ITGA9: variants seen among roughly 807,000 people sequenced by gnomAD.
ITGA9 encodes the protein integrin alpha-9.
In ITGA9, 56 loss-of-function variants were observed where a neutral mutation model predicts 127.8. The observed-to-expected ratio is 0.44, with a 90% confidence interval of 0.35 to 0.55. The LOEUF (loss-of-function observed/expected upper bound fraction) is 0.55, where lower values mean the gene tolerates loss of function less well. Ranked by LOEUF, ITGA9 falls within the 20% of genes least tolerant of loss-of-function variation. The pLI is 0.00. For missense variants in ITGA9, 1,196 were observed against 1,347.1 expected (o/e 0.89, Z 1.76); for synonymous variants, 508 against 514.5 (o/e 0.99, Z 0.17).
At chr3:37,766,253 A>G (rs1161500524) in intron 23 of ITGA9, among the ~76,000 whole-genome samples, 1 of 152,260 alleles carries the variant, frequency 6.6e-6, no homozygotes, top group Non-Finnish European at 1.5e-5. Context: ...GACCAAAAAG[A>G]ACTGCCTCAA....
chr3:37,732,894 C>G, intron 19 of ITGA9, 96 bp downstream of exon 19: 1 of 901,684 alleles, frequency 1.1e-6, no homozygotes, highest in Non-Finnish European at 1.8e-6. Context: ...GGAGTCCTCC[C>G]ACCCCCTGCC....
intron 15 of ITGA9, among the ~76,000 whole-genome samples, chr3:37,608,645 G>A (rs1254628629): frequency 6.6e-6 from 1 of 152,084 alleles, no homozygotes; most frequent in African/African-American, 2.4e-5. Flanking sequence ...AAAGTTCTTG[G>A]AGACACTTCT....
chr3:37,797,607 A>C (rs1242279166), intron 26 of ITGA9, among the ~76,000 whole-genome samples: 1 of 152,260 alleles, frequency 6.6e-6, no homozygotes, highest in Non-Finnish European at 1.5e-5. Flanking sequence ...AAAAAATAGT[A>C]AAACGTAGAA....
chr3:37,569,315 C>T (rs1699578840), intron 15 of ITGA9, among the ~76,000 whole-genome samples: 1 of 152,320 alleles, frequency 6.6e-6, no homozygotes, highest in South Asian at 2.1e-4. Flanking sequence ...TCAGTTACCT[C>T]CCACTGGGTC....
chr3:37,467,958 T>A (rs1559513486), intron 1 of ITGA9, among the ~76,000 whole-genome samples: 1 of 152,186 alleles, frequency 6.6e-6, no homozygotes, highest in Non-Finnish European at 1.5e-5. Context: ...GGAAAATTGA[T>A]CCCTTAATGT....
At position 37,714,566 on chromosome 3, in the gene ITGA9, C is replaced by T. The variant is rs1701114063; in HGVS notation, c.2068-18146C>T. On this transcript the variant is annotated intron_variant, in intron 18 of 27. Coordinates refer to ENST00000264741, the MANE Select transcript of ITGA9 (RefSeq NM_002207.3). Reference sequence around the variant, plus strand: ...CTATGAGACCATCCTCCATGTGGGTCCCATCCAGGAAGCTGCTTCCCTCCC... The same window carrying T: ...CTATGAGACCATCCTCCATGTGGGTTCCATCCAGGAAGCTGCTTCCCTCCC... Among the ~76,000 whole-genome samples, 2 of 152,172 alleles carry T rather than the reference C, an allele frequency of 1.3e-5. 1 individual carries two copies. Among genetic ancestry groups the T allele is most frequent in the Non-Finnish European group, 2.9e-5 (2 of 68,022 alleles).
At chr3:37,600,924 A>C (rs1188318496) in intron 15 of ITGA9, among the ~76,000 whole-genome samples, 1 of 152,214 alleles carries the variant, frequency 6.6e-6, no homozygotes, top group Non-Finnish European at 1.5e-5. Context: ...TTTAACCTGC[A>C]ATTACTGGGT....
At chr3:37,502,735 C>T (rs879464851) in intron 5 of ITGA9, among the ~76,000 whole-genome samples, 11 of 152,138 alleles carry the variant, frequency 7.2e-5, no homozygotes, top group Non-Finnish European at 1.3e-4. Flanking sequence ...AGTTTCCTCT[C>T]GCTACGCATC....
At chr3:37,717,820 C>A (rs1701150684) in intron 18 of ITGA9, among the ~76,000 whole-genome samples, 1 of 152,180 alleles carries the variant, frequency 6.6e-6, no homozygotes, top group Non-Finnish European at 1.5e-5. Flanking sequence ...CATAGTATGA[C>A]TATGGTAGTC....
chr3:37,487,532 C>T (rs1247261430), intron 4 of ITGA9, among the ~76,000 whole-genome samples: 2 of 152,206 alleles, frequency 1.3e-5, no homozygotes, highest in Admixed American at 1.3e-4. Context: ...GAAAAATTCA[C>T]AGATTCAGAT....
chr3:37,789,981 ATATT>A (rs71635851), intron 26 of ITGA9: 60,850 of 621,240 alleles, frequency 0.098, 3,495 homozygotes, highest in Middle Eastern at 0.14. Context: ...AAGTAACAAA[ATATT>A]TAAGAAGGGA....
At chr3:37,503,152 C>T (rs749922162) in intron 5 of ITGA9, 26 bp from the exon 6 acceptor site, 8 of 1,613,324 alleles carry the variant, frequency 5.0e-6, no homozygotes, top group Non-Finnish European at 6.8e-6. Flanking sequence ...TCCTTCTCTG[C>T]TTACCGTTGG....
chr3:37,792,717 A>G (rs1017859447), intron 26 of ITGA9, among the ~76,000 whole-genome samples: 5 of 152,168 alleles, frequency 3.3e-5, no homozygotes, highest in African/African-American at 4.8e-5. Context: ...TTCTTTAAAA[A>G]TCGTAGGCCA....
intron 5 of ITGA9, among the ~76,000 whole-genome samples, chr3:37,502,919 A>G (rs146505611): frequency 6.6e-6 from 1 of 152,148 alleles, no homozygotes; most frequent in Non-Finnish European, 1.5e-5. Context: ...CTCATCGTGG[A>G]TAGAATAGGG....
At chr3:37,556,876 A>G (rs1699436312) in intron 15 of ITGA9, among the ~76,000 whole-genome samples, 1 of 152,222 alleles carries the variant, frequency 6.6e-6, no homozygotes, top group South Asian at 2.1e-4. Context: ...AGTCAGCAGC[A>G]CTGACTTTAT....
intron 23 of ITGA9, among the ~76,000 whole-genome samples, chr3:37,775,938 C>T (rs113668353): frequency 6.6e-6 from 1 of 152,094 alleles, no homozygotes; most frequent in East Asian, 1.9e-4. Context: ...ACCTAAATAC[C>T]CATCAAAGAC....
chr3:37,787,347 G>A (rs1441092341), intron 26 of ITGA9, among the ~76,000 whole-genome samples: 5 of 152,000 alleles, frequency 3.3e-5, no homozygotes, highest in Non-Finnish European at 7.4e-5. Flanking sequence ...TGGGATCCAG[G>A]AAAATGTTGC....
intron 23 of ITGA9, among the ~76,000 whole-genome samples, chr3:37,752,264 A>G (rs973586273): frequency 6.6e-6 from 1 of 152,208 alleles, no homozygotes; most frequent in African/African-American, 2.4e-5. Flanking sequence ...TGAATGGAGC[A>G]GGGCTTTCAT....
At chr3:37,695,256 C>T (rs997279581) in intron 18 of ITGA9, among the ~76,000 whole-genome samples, 4 of 152,174 alleles carry the variant, frequency 2.6e-5, no homozygotes, top group Non-Finnish European at 4.4e-5. Context: ...CAGAAGAAGA[C>T]CCACGGTTCT....
Sources: allele counts gnomAD v4.1 joint callset (sites outside exome capture counted in the v4.1 genomes callset), GRCh38; gene constraint gnomAD v4.1.1; transcripts MANE v1.5; gene names NCBI Gene and HGNC (gene_info 2026-07-23, HGNC 2026-07-21).